The following COPG2 variants were observed in gnomAD, a reference collection of about 807,000 sequenced individuals.
COPG2 encodes the protein coat protein complex I subunit gamma 2, also known as coatomer subunit gamma-2.
A neutral mutation model predicts 46.3 loss-of-function variants in COPG2; 37 were observed. That is an observed-to-expected ratio of 0.80 (90% CI 0.61 to 1.05). The LOEUF is 1.05. Among genes scored for constraint, COPG2 ranks in the 50% least tolerant of loss-of-function variants. The pLI is 0.00. For missense variants in COPG2, 427 were observed against 387.8 expected (o/e 1.10, Z -0.85); for synonymous variants, 159 against 129.7 (o/e 1.23, Z -1.53).
At chr7:130,631,772 T>C (rs1795238410) in intron 5 of COPG2, among the ~76,000 whole-genome samples, 1 of 152,164 alleles carries the variant, frequency 6.6e-6, no homozygotes, top group Non-Finnish European at 1.5e-5. Context: ...AATTAACTTT[T>C]AAAATTACGT....
At chr7:130,533,009 G>A (rs1799843821) in intron 20 of COPG2, among the ~76,000 whole-genome samples, 1 of 152,098 alleles carries the variant, frequency 6.6e-6, no homozygotes, top group Admixed American at 6.5e-5. Context: ...CTAGGCCCAG[G>A]AGCTGGGAGC....
At chr7:130,668,524 C>A (rs1299364032) in intron 1 of COPG2, 108 bp downstream of exon 1, 17 of 1,005,442 alleles carry the variant, frequency 1.7e-5, no homozygotes, top group Non-Finnish European at 2.1e-5. Flanking sequence ...GGCCCCCTGG[C>A]ACGGCGGCGC....
At chr7:130,532,755 T>G (rs1799840978) in intron 20 of COPG2, among the ~76,000 whole-genome samples, 1 of 152,122 alleles carries the variant, frequency 6.6e-6, no homozygotes, top group Non-Finnish European at 1.5e-5. Flanking sequence ...TCCCATAGCC[T>G]TGGCCACTGG....
At chr7:130,545,670 A>G (rs975102191) in intron 20 of COPG2, among the ~76,000 whole-genome samples, 5 of 152,222 alleles carry the variant, frequency 3.3e-5, no homozygotes, top group African/African-American at 7.2e-5. Context: ...ACTACTAACA[A>G]AACTTTAAAC....
At chr7:130,634,834 T>C (rs1554455874) in intron 5 of COPG2, among the ~76,000 whole-genome samples, 1 of 152,070 alleles carries the variant, frequency 6.6e-6, no homozygotes, top group Admixed American at 6.6e-5. Flanking sequence ...CAGTATGATA[T>C]TGGCTGTGGG....
At chr7:130,621,634 C>A (rs1352120874) in intron 5 of COPG2, among the ~76,000 whole-genome samples, 1 of 152,008 alleles carries the variant, frequency 6.6e-6, no homozygotes, top group Non-Finnish European at 1.5e-5. Flanking sequence ...CGTGGTGAAA[C>A]CTCGTCTCTA....
intron 5 of COPG2, among the ~76,000 whole-genome samples, chr7:130,626,528 CG>C (rs1207635932): frequency 6.6e-6 from 1 of 151,576 alleles, no homozygotes; most frequent in Non-Finnish European, 1.5e-5. Flanking sequence ...GGATTACAGG[CG>C]TGAGCCACCA....
intron 20 of COPG2, among the ~76,000 whole-genome samples, chr7:130,528,661 T>A (rs1799796724): frequency 6.6e-6 from 1 of 151,244 alleles, no homozygotes; most frequent in African/African-American, 2.4e-5. Context: ...AGGGGCTGAC[T>A]GCTGGGACAT....
chr7:130,607,315 A>C (rs939731769), intron 9 of COPG2: 2 of 178,536 alleles, frequency 1.1e-5, no homozygotes, highest in South Asian at 2.4e-4. Flanking sequence ...TAGATGCTAC[A>C]AAGTTTTTGT....
intron 8 of COPG2, 100 bp from the exon 9 acceptor site, chr7:130,611,210 A>C: frequency 9.1e-7 from 1 of 1,099,420 alleles, no homozygotes; most frequent in Admixed American, 2.6e-5. Flanking sequence ...GATTTCTTTA[A>C]AATACCCAGG....
intron 9 of COPG2, among the ~76,000 whole-genome samples, chr7:130,595,879 C>A (rs781965143): frequency 1.3e-5 from 2 of 152,200 alleles, no homozygotes; most frequent in African/African-American, 2.4e-5. Context: ...TCAGAACCAC[C>A]AGCAGTTGGT....
intron 5 of COPG2, among the ~76,000 whole-genome samples, chr7:130,629,781 A>C (rs1554454891): frequency 6.6e-6 from 1 of 152,052 alleles, no homozygotes; most frequent in Non-Finnish European, 1.5e-5. Context: ...CTTGTGTGTC[A>C]GTTTAGGCAT....
chr7:130,606,493 G>C (rs570591518), intron 9 of COPG2, among the ~76,000 whole-genome samples: 140 of 152,294 alleles, frequency 9.2e-4, no homozygotes, highest in African/African-American at 3.2e-3. Flanking sequence ...ATGTAAACTT[G>C]AGTAAGGTAG....
At chr7:130,645,432 T>C (rs552012137) in intron 5 of COPG2, 2 of 405,390 alleles carry the variant, frequency 4.9e-6, no homozygotes, top group Non-Finnish European at 9.5e-6. Flanking sequence ...GTGGAGCCCA[T>C]GGGCGAAGAT....
intron 10 of COPG2, among the ~76,000 whole-genome samples, chr7:130,563,774 G>GA (rs1341758494): frequency 0.53 from 46,663 of 87,958 alleles, 9,257 homozygotes; most frequent in African/African-American, 0.69. Context: ...AAAAAAAAAA[G>GA]AAAAAAAAAA....
At chr7:130,573,489 T>C (rs1310855482) in intron 9 of COPG2, among the ~76,000 whole-genome samples, 2 of 152,002 alleles carry the variant, frequency 1.3e-5, no homozygotes, top group East Asian at 1.9e-4. Flanking sequence ...AAGAATTATA[T>C]ACATAATTAA....
intron 20 of COPG2, among the ~76,000 whole-genome samples, chr7:130,527,784 A>G (rs889522178): frequency 1.2e-4 from 19 of 152,088 alleles, no homozygotes; most frequent in South Asian, 8.3e-4. Flanking sequence ...GTCAGGTGTT[A>G]GAACACAGTT....
At position 130,568,285 on chromosome 7, in the gene COPG2, A is replaced by G. The variant is rs1793838236; in HGVS notation, c.738-3892T>C. 3.9e-5 allele frequency among the ~76,000 whole-genome samples: 6 copies of G among 152,260 alleles called. No homozygotes were observed. In the South Asian group the frequency reaches 1.0e-3, roughly 26 times the overall value. On this transcript the variant is annotated intron_variant, in intron 9 of 23. Coordinates refer to ENST00000425248, the MANE Select transcript of COPG2 (RefSeq NM_012133.6). ...AGCGAAACTCTGTCTCAAAAAAAAG[A>G]ATCCACCAACCAAGTCCGCTGTCTT... is the stretch of plus-strand genomic sequence containing the variant.
At position 130,561,170 on chromosome 7, in the gene COPG2, T is replaced by TA; in HGVS notation, c.990_991insT (p.Asn331Ter). 2.5e-6 allele frequency: 1 copy of TA among 398,568 alleles called. No individual in the cohort carries two copies. Among genetic ancestry groups the TA allele is most frequent in the East Asian group, 3.6e-5 (1 of 28,070 alleles). The allele number at this position is 398,568 out of a possible 1,614,324, so 24.7% of individuals were successfully genotyped here. ...CTTCTGTTTGAGTCTGTGATTAAGT[T>TA]TTCTAAGTCCAGATTGCAGGCAGTA... On this transcript the variant is annotated frameshift_variant, in exon 12 of 24. Transcript: ENST00000425248. LOFTEE classifies it high-confidence loss of function.
Sources: allele counts gnomAD v4.1 joint callset (sites outside exome capture counted in the v4.1 genomes callset), GRCh38; gene constraint gnomAD v4.1.1; transcripts MANE v1.5; gene names NCBI Gene and HGNC (gene_info 2026-07-23, HGNC 2026-07-21).